The following MARCHF10 variants were observed in gnomAD, a reference collection of about 807,000 sequenced individuals.
MARCHF10 encodes the protein probable E3 ubiquitin-protein ligase MARCHF10.
Under a neutral mutation model 76.2 loss-of-function variants are expected in MARCHF10, and 64 were observed. The ratio of observed to expected loss-of-function variants is 0.84; its 90% confidence interval spans 0.69 to 1.03. The LOEUF (loss-of-function observed/expected upper bound fraction) is 1.03. MARCHF10 is among the 50% of genes least tolerant of loss of function. MARCHF10 has a pLI of 0.00. For synonymous variants in MARCHF10, 340 were observed against 357.5 expected (o/e 0.95, Z 0.55); for missense variants, 875 against 958.0 (o/e 0.91, Z 1.14).
intron 8 of MARCHF10, among the ~76,000 whole-genome samples, chr17:62,718,083 A>C (rs1256116783): frequency 2.0e-5 from 3 of 152,004 alleles, no homozygotes; most frequent in Non-Finnish European, 4.4e-5. Flanking sequence ...TCATGCGTGG[A>C]GCCTCCTCTG....
At chr17:62,801,073 G>A (rs1459161361) in intron 2 of MARCHF10, among the ~76,000 whole-genome samples, 2 of 143,426 alleles carry the variant, frequency 1.4e-5, no homozygotes, top group Non-Finnish European at 3.0e-5. Flanking sequence ...GAAAACTGAG[G>A]GAAGTACTTT....
At chr17:62,730,891 TCAA>T (rs34266869) in intron 6 of MARCHF10, among the ~76,000 whole-genome samples, 56 of 150,582 alleles carry the variant, frequency 3.7e-4, no homozygotes, top group South Asian at 1.7e-3. Context: ...AGACTCCATC[TCAA>T]CAACAACAAC....
chr17:62,742,658 C>T (rs1212111964), intron 5 of MARCHF10, among the ~76,000 whole-genome samples: 1 of 150,614 alleles, frequency 6.6e-6, no homozygotes, highest in Non-Finnish European at 1.5e-5. Flanking sequence ...CATGGAGACG[C>T]TTACCTTTCT....
At chr17:62,783,560 C>T (rs2092698910) in intron 3 of MARCHF10, among the ~76,000 whole-genome samples, 1 of 152,022 alleles carries the variant, frequency 6.6e-6, no homozygotes, top group Non-Finnish European at 1.5e-5. Context: ...ATACAAAAAA[C>T]CCTTCAAAAA....
At chr17:62,776,814 C>G (rs2092562592) in intron 3 of MARCHF10, among the ~76,000 whole-genome samples, 1 of 152,194 alleles carries the variant, frequency 6.6e-6, no homozygotes, top group East Asian at 1.9e-4. Flanking sequence ...AGCTACAACC[C>G]TGCCATTCTT....
At chr17:62,764,247 C>T (rs1177162765) in intron 3 of MARCHF10, among the ~76,000 whole-genome samples, 1 of 152,106 alleles carries the variant, frequency 6.6e-6, no homozygotes, top group Admixed American at 6.5e-5. Flanking sequence ...AGTTATTTTC[C>T]AACTATTGCC....
intron 8 of MARCHF10, among the ~76,000 whole-genome samples, chr17:62,717,304 AC>A (rs1295044622): frequency 6.6e-6 from 1 of 152,166 alleles, no homozygotes; most frequent in African/African-American, 2.4e-5. Flanking sequence ...GGCTCTCCCC[AC>A]AGGGCGGGCC....
At chr17:62,724,751 C>A (rs868055899) in intron 7 of MARCHF10, among the ~76,000 whole-genome samples, 187 bp downstream of exon 7, 3 of 152,148 alleles carry the variant, frequency 2.0e-5, no homozygotes, top group Non-Finnish European at 4.4e-5. Flanking sequence ...AAACAAAAAA[C>A]CCCCAACTCC....
chr17:62,758,851 C>A (rs771553788), intron 4 of MARCHF10, among the ~76,000 whole-genome samples: 7 of 152,222 alleles, frequency 4.6e-5, no homozygotes, highest in Non-Finnish European at 1.0e-4. Flanking sequence ...TCAACTTAGA[C>A]CTTTCTGCCT....
intron 5 of MARCHF10, chr17:62,737,649 T>C (rs554453497): frequency 3.2e-6 from 1 of 311,172 alleles, no homozygotes; most frequent in East Asian, 8.6e-5. Context: ...AACCTCACAC[T>C]AAATACTGGC....
chr17:62,785,734 T>C (rs1462569341), intron 3 of MARCHF10, among the ~76,000 whole-genome samples: 1 of 152,070 alleles, frequency 6.6e-6, no homozygotes, highest in Non-Finnish European at 1.5e-5. Context: ...ACAGACACTT[T>C]TCAAAAGAAG....
At chr17:62,743,689 G>A (rs1328939968) in intron 5 of MARCHF10, among the ~76,000 whole-genome samples, 1 of 152,110 alleles carries the variant, frequency 6.6e-6, no homozygotes, top group Non-Finnish European at 1.5e-5. Flanking sequence ...GTGTTCATTG[G>A]TCATGACATA....
intron 2 of MARCHF10, among the ~76,000 whole-genome samples, chr17:62,800,905 T>C (rs550765485): frequency 1.3e-5 from 2 of 152,286 alleles, no homozygotes; most frequent in African/African-American, 2.4e-5. Context: ...CATTGTAAAA[T>C]GTGCAAACCA....
chr17:62,709,781 ACT>A (rs1382511835), intron 9 of MARCHF10, among the ~76,000 whole-genome samples: 1 of 151,868 alleles, frequency 6.6e-6, no homozygotes, highest in Non-Finnish European at 1.5e-5. Flanking sequence ...ACAGGGTCTC[ACT>A]CTGTCACACA....
At chr17:62,737,474 G>T in intron 5 of MARCHF10, 142 bp from the exon 6 acceptor site, 1 of 760,836 alleles carries the variant, frequency 1.3e-6, no homozygotes, top group South Asian at 1.7e-5. Context: ...ATGGCTGGAG[G>T]TACAAGAGGA....
At chr17:62,767,288 T>A (rs537107039) in intron 3 of MARCHF10, among the ~76,000 whole-genome samples, 3 of 152,228 alleles carry the variant, frequency 2.0e-5, no homozygotes, top group African/African-American at 7.2e-5. Context: ...AATAATCTCT[T>A]TGTGGTTTCA....
At chr17:62,720,444 A>C (rs2090425050) in intron 8 of MARCHF10, among the ~76,000 whole-genome samples, 1 of 152,170 alleles carries the variant, frequency 6.6e-6, no homozygotes, top group Non-Finnish European at 1.5e-5. Flanking sequence ...CTTAGGTGGG[A>C]CAAGATGGCT....
Position 62,777,832 on chromosome 17 carries a change from C to T in MARCHF10, c.210+10648G>A, listed in dbSNP as rs148274963. Among the ~76,000 whole-genome samples the T allele has an allele frequency of 5.8e-3, 878 of 151,994 alleles. 15 individuals are homozygous for T. Among genetic ancestry groups the T allele is most frequent in the African/African-American group, 0.019 (787 of 41,492 alleles). Reference sequence around the variant, plus strand: ...GTAGTCCTACTCCACAAGGAGCAGTCTGTCTGCTGCTGCTGTGCACCACCA... The same window carrying T: ...GTAGTCCTACTCCACAAGGAGCAGTTTGTCTGCTGCTGCTGTGCACCACCA... On this transcript the variant is annotated intron_variant, in intron 3 of 10. Transcript: ENST00000311269.
chr17:62,760,825 T>A (rs1340021161), intron 3 of MARCHF10, among the ~76,000 whole-genome samples: 2 of 152,198 alleles, frequency 1.3e-5, no homozygotes, highest in Non-Finnish European at 2.9e-5. Context: ...GGTTCCCCCT[T>A]CCCCGACCCT....
Sources: allele counts gnomAD v4.1 joint callset (sites outside exome capture counted in the v4.1 genomes callset), GRCh38; gene constraint gnomAD v4.1.1; transcripts MANE v1.5; gene names NCBI Gene and HGNC (gene_info 2026-07-23, HGNC 2026-07-21).